Variants in SFMBT2 observed in about 807,000 individuals in gnomAD.
SFMBT2 encodes the protein scm-like with four MBT domains protein 2.
A neutral mutation model predicts 110.1 loss-of-function variants in SFMBT2; 38 were observed. The ratio of observed to expected loss-of-function variants is 0.35; its 90% CI spans 0.27 to 0.45. The LOEUF is 0.45. SFMBT2 is among the 20% of genes least tolerant of loss of function. The probability of loss-of-function intolerance (pLI) is 1.00; values close to 1 mark genes in which losing one functional copy is unlikely to be tolerated. For synonymous variants in SFMBT2, 425 were observed against 425.4 expected (o/e 1.00, Z 0.01); for missense variants, 1,011 against 1,094.9 (o/e 0.92, Z 1.08).
chr10:7,188,138 C>T (rs1167591164), intron 16 of SFMBT2, among the ~76,000 whole-genome samples: 1 of 152,200 alleles, frequency 6.6e-6, no homozygotes, highest in Non-Finnish European at 1.5e-5. Context: ...CACGCCAACC[C>T]AGATTTTGCT....
At chr10:7,164,699 T>C (rs1437143283) in intron 20 of SFMBT2, among the ~76,000 whole-genome samples, 1 of 150,914 alleles carries the variant, frequency 6.6e-6, no homozygotes, top group Non-Finnish European at 1.5e-5. Context: ...GGTGAGAAGA[T>C]GCTCAAGACA....
intron 1 of SFMBT2, among the ~76,000 whole-genome samples, chr10:7,395,362 A>G (rs892087058): frequency 2.6e-5 from 4 of 152,248 alleles, no homozygotes; most frequent in Non-Finnish European, 5.9e-5. Context: ...TCTGGCTTCC[A>G]TCGCTGAAGT....
Position 7,163,554 on chromosome 10 carries a change from T to TAAAAAA in SFMBT2, c.*215_*216insTTTTTT. On this transcript the variant is annotated 3_prime_UTR_variant, in exon 21 of 21. Transcript: ENST00000397167. The surrounding 1 kb of genome is among the most constrained non-coding windows in gnomAD (Gnocchi z 4.8). ...CGTCTGGCAGGGTCTGATGCATGAC[T>TAAAAAA]TTAACTGGCACTCCCCAGAAGCGAC... is the stretch of plus-strand genomic sequence containing the variant. 1.9e-6 allele frequency: 1 copy of TAAAAAA among 520,792 alleles called. No homozygotes were observed. The allele number at this position is 520,792 out of a possible 1,614,324, so 32.3% of individuals were successfully genotyped here. A position where few individuals can be genotyped will look rare whatever the true frequency, so the allele number is the denominator to read the frequency against.
intron 4 of SFMBT2, among the ~76,000 whole-genome samples, chr10:7,299,813 G>A (rs569702042): frequency 4.4e-4 from 67 of 152,066 alleles, no homozygotes; most frequent in African/African-American, 1.5e-3. Context: ...TTCTACTAAG[G>A]AATATAAATC....
chr10:7,385,806 T>C (rs1017918495), intron 1 of SFMBT2, among the ~76,000 whole-genome samples: 43 of 152,174 alleles, frequency 2.8e-4, no homozygotes, highest in East Asian at 7.8e-4. Flanking sequence ...AAGACCATCC[T>C]GGCTAACACG....
intron 4 of SFMBT2, among the ~76,000 whole-genome samples, chr10:7,315,093 AAAG>A (rs1400398559): frequency 6.8e-6 from 1 of 147,056 alleles, no homozygotes; most frequent in Non-Finnish European, 1.5e-5. Flanking sequence ...AGAAAGAAAG[AAAG>A]AAAGAAAGAA....
At chr10:7,214,615 A>G (rs1839469560) in intron 11 of SFMBT2, 5 of 985,488 alleles carry the variant, frequency 5.1e-6, no homozygotes, top group Non-Finnish European at 6.0e-6. Context: ...GAAATCAGAA[A>G]CTACACACGT....
At chr10:7,342,504 G>T (rs1053944324) in intron 4 of SFMBT2, among the ~76,000 whole-genome samples, 9 of 147,342 alleles carry the variant, frequency 6.1e-5, no homozygotes, top group African/African-American at 2.3e-4. Context: ...CGCCTCCCGG[G>T]TTCATGCCAT....
Position 7,158,805 on chromosome 10 carries a change from A to T in SFMBT2, c.*4965T>A, listed in dbSNP as rs1837477773. The T allele has an allele frequency of 6.6e-6, 1 of 152,314 alleles. No individual in the cohort carries two copies. Among genetic ancestry groups the T allele is most frequent in the Admixed American group, 6.5e-5 (1 of 15,288 alleles). The allele number at this position is 152,314 out of a possible 1,614,324, so 9.4% of individuals were successfully genotyped here. ...CCAAAAGCATGCCCTTCGTCCTGCA[A>T]ATTTCAAAAGTAATGACACCAATTT... On this transcript the variant is annotated 3_prime_UTR_variant, in exon 21 of 21. Coordinates refer to ENST00000397167, the MANE Select transcript of SFMBT2 (RefSeq NM_001387889.1).
In SFMBT2 at chr10:7,367,068, C is replaced by CA. The variant is rs1564460938; in HGVS notation, c.436+580_436+581insT. Among the ~76,000 whole-genome samples the CA allele has an allele frequency of 7.0e-6, 1 of 143,508 alleles. No individual in the cohort carries two copies. Among genetic ancestry groups the CA allele is most frequent in the African/African-American group, 2.5e-5 (1 of 39,252 alleles). 94.1% of individuals were successfully genotyped at this position (143,508 alleles called of 152,430 possible). A position where few individuals can be genotyped will look rare whatever the true frequency, so the allele number is the denominator to read the frequency against. On this transcript the variant is annotated intron_variant, in intron 4 of 20. Transcript: ENST00000397167. This position sits in a 1 kb window ranked among gnomAD's most constrained non-coding sequence, Gnocchi z 6.2. Reference sequence around the variant, plus strand: ...CTCATCTGTATGGTTTTCTTTCTTTCTTTTTTTTTTTTTAATTATACCTTA... The same window carrying CA: ...CTCATCTGTATGGTTTTCTTTCTTTCATTTTTTTTTTTTTAATTATACCTTA...
At chr10:7,188,508 C>T (rs764113577) in intron 16 of SFMBT2, 116 bp downstream of exon 16, 1 of 747,274 alleles carries the variant, frequency 1.3e-6, no homozygotes, top group Non-Finnish European at 2.1e-6. Flanking sequence ...GCAGAACGAA[C>T]GTCCTTCAGT....
chr10:7,372,257 T>C (rs932200833), intron 2 of SFMBT2, among the ~76,000 whole-genome samples: 2 of 152,178 alleles, frequency 1.3e-5, no homozygotes, highest in African/African-American at 4.8e-5. Context: ...AAAGTAAGTC[T>C]CTCTTAATAC....
rs200360390 is a variant in SFMBT2 at position 7,172,688 on chromosome 10, T to C, written c.1985-27A>G. On this transcript the variant is annotated intron_variant, in intron 17 of 20. Transcript: ENST00000397167. The surrounding 1 kb of genome is among the most constrained non-coding windows in gnomAD (Gnocchi z 4.6). ...TGTAGGAAGGAAGATGAGAAACTTT[T>C]GAAGGCTATACACACACACAGACAT... 6.2e-7 allele frequency: 1 copy of C among 1,603,604 alleles called. No individual in the cohort carries two copies.
intron 8 of SFMBT2, among the ~76,000 whole-genome samples, chr10:7,246,431 G>A (rs1840613136): frequency 6.7e-6 from 1 of 148,328 alleles, no homozygotes; most frequent in Non-Finnish European, 1.5e-5. Flanking sequence ...GCATAAGAAT[G>A]TGAGAGAGGC....
intron 10 of SFMBT2, among the ~76,000 whole-genome samples, chr10:7,224,778 T>C (rs766394161): frequency 6.6e-6 from 1 of 152,150 alleles, no homozygotes; most frequent in Non-Finnish European, 1.5e-5. Context: ...TAAATTATCA[T>C]CAGACATGTT....
At chr10:7,212,966 AAACT>A (rs1839400302) in intron 11 of SFMBT2, among the ~76,000 whole-genome samples, 1 of 152,228 alleles carries the variant, frequency 6.6e-6, no homozygotes, top group African/African-American at 2.4e-5. Flanking sequence ...CATCCTCAGC[AAACT>A]AACACAGGAA....
intron 4 of SFMBT2, among the ~76,000 whole-genome samples, chr10:7,364,716 G>A (rs185240884): frequency 1.3e-5 from 2 of 152,268 alleles, no homozygotes; most frequent in Non-Finnish European, 2.9e-5. Context: ...ACAAGGATGG[G>A]GCCTGAGGCT....
intron 7 of SFMBT2, among the ~76,000 whole-genome samples, chr10:7,265,238 G>A (rs7905650): frequency 0.75 from 111,911 of 148,332 alleles, 42,273 homozygotes; most frequent in East Asian, 0.92. Flanking sequence ...GTCTCGCTCT[G>A]TCTCCCAGAC....
chr10:7,258,633 C>T lies in SFMBT2; in HGVS notation c.871-9984G>A, dbSNP rs1032204080. 9.8e-5 allele frequency among the ~76,000 whole-genome samples: 15 copies of T among 152,290 alleles called. No individual in the cohort carries two copies. In the Middle Eastern group the frequency reaches 0.01, roughly 104 times the overall value. ...ATTCAAATTAATATATAATGAGCTACGCTTTAATTCCTCTATTCGTATCAG... is the reference window on the plus strand; with the variant it reads ...ATTCAAATTAATATATAATGAGCTATGCTTTAATTCCTCTATTCGTATCAG... On this transcript the variant is annotated intron_variant, in intron 7 of 20. Coordinates refer to ENST00000397167, the MANE Select transcript of SFMBT2 (RefSeq NM_001387889.1).
Sources: allele counts gnomAD v4.1 joint callset (sites outside exome capture counted in the v4.1 genomes callset), GRCh38; gene constraint gnomAD v4.1.1; non-coding constraint Gnocchi (gnomAD v3.1); transcripts MANE v1.5; gene names NCBI Gene and HGNC (gene_info 2026-07-23, HGNC 2026-07-21).